Variants in KCNC2 observed in about 807,000 individuals in gnomAD.
The protein encoded by KCNC2 is voltage-gated potassium channel KCNC2.
A neutral mutation model predicts 44.5 loss-of-function variants in KCNC2; 21 were observed. That is an observed-to-expected ratio of 0.47 (90% CI 0.33 to 0.68). KCNC2 has a LOEUF of 0.68. Among genes scored for constraint, KCNC2 ranks in the 30% least tolerant of loss-of-function variants. KCNC2 has a pLI of 0.01. For synonymous variants in KCNC2, 391 were observed against 339.1 expected (o/e 1.15, Z -1.68); for missense variants, 589 against 826.2 (o/e 0.71, Z 3.52).
At position 75,042,503 on chromosome 12, in the gene KCNC2, G is replaced by C. The variant is rs116809020; in HGVS notation, c.*602C>G. On this transcript the variant is annotated 3_prime_UTR_variant, in exon 5 of 5. Transcript: ENST00000549446. ...AATAATAAGAAAAAAATGTCAAGGAGAAAAGTGCCCTCCCTGCCCCACAAT... is the reference window on the plus strand; with the variant it reads ...AATAATAAGAAAAAAATGTCAAGGACAAAAGTGCCCTCCCTGCCCCACAAT... The C allele has an allele frequency of 7.0e-7, 1 of 1,433,316 alleles. No individual in the cohort carries two copies. The highest frequency in any genetic ancestry group is 1.4e-5 in the African/African-American group (1 of 68,966). The allele number at this position is 1,433,316 out of a possible 1,614,324, so 88.8% of individuals were successfully genotyped here.
At chr12:75,127,834 A>T (rs1888545623) in intron 2 of KCNC2, among the ~76,000 whole-genome samples, 1 of 152,170 alleles carries the variant, frequency 6.6e-6, no homozygotes, top group Non-Finnish European at 1.5e-5. Context: ...CATAGCAATG[A>T]AAATATCTAG....
rs1879828917 is a variant in KCNC2 at position 75,040,974 on chromosome 12, G to C, written c.*2131C>G. On this transcript the variant is annotated 3_prime_UTR_variant, in exon 5 of 5. Transcript: ENST00000549446. ...TATTTACAGTTGTTTCATGGACACT[G>C]GCCAGTCTACAAGCAGAGCACTCTC... 2 of 695,204 alleles carry C rather than the reference G, an allele frequency of 2.9e-6. No homozygotes were observed. The highest frequency in any genetic ancestry group is 2.5e-6 in the Non-Finnish European group (1 of 397,464). The allele number at this position is 695,204 out of a possible 1,614,324, so 43.1% of individuals were successfully genotyped here. A position where few individuals can be genotyped will look rare whatever the true frequency, so the allele number is the denominator to read the frequency against.
At chr12:75,080,396 G>A (rs1283558253) in intron 2 of KCNC2, among the ~76,000 whole-genome samples, 1 of 151,178 alleles carries the variant, frequency 6.6e-6, no homozygotes, top group Non-Finnish European at 1.5e-5. Context: ...CTTAGAAAAA[G>A]TATAAAAAGA....
chr12:75,203,856 A>G (rs2031485240), intron 2 of KCNC2, among the ~76,000 whole-genome samples: 1 of 151,894 alleles, frequency 6.6e-6, no homozygotes, highest in Non-Finnish European at 1.5e-5. Context: ...TCCTTATGTG[A>G]TTTTTAAAAA....
At chr12:75,152,662 T>C (rs1221235544) in intron 2 of KCNC2, among the ~76,000 whole-genome samples, 1 of 151,922 alleles carries the variant, frequency 6.6e-6, no homozygotes, top group Non-Finnish European at 1.5e-5. Flanking sequence ...CCAGTAAAAA[T>C]GACTAATCGT....
At position 75,042,745 on chromosome 12, in the gene KCNC2, T is replaced by C; in HGVS notation, c.*360A>G. Reference sequence around the variant, plus strand: ...CAGAATGGTTTACAGTCACAAGAAATAAAGTTCCAATGAAGTGGTTGGCAT... The same window carrying C: ...CAGAATGGTTTACAGTCACAAGAAACAAAGTTCCAATGAAGTGGTTGGCAT... On this transcript the variant is annotated 3_prime_UTR_variant, in exon 5 of 5. Coordinates refer to ENST00000549446, the MANE Select transcript of KCNC2 (RefSeq NM_139137.4). 1 of 1,148,918 alleles carries C rather than the reference T, an allele frequency of 8.7e-7. No homozygotes were observed. Among genetic ancestry groups the C allele is most frequent in the Non-Finnish European group, 1.1e-6 (1 of 933,982 alleles). The allele number at this position is 1,148,918 out of a possible 1,614,324, so 71.2% of individuals were successfully genotyped here.
intron 2 of KCNC2, among the ~76,000 whole-genome samples, chr12:75,090,267 T>G (rs993490474): frequency 6.6e-6 from 1 of 151,800 alleles, no homozygotes; most frequent in African/African-American, 2.4e-5. Context: ...TATTATCTTC[T>G]TAGCCACCTA....
At chr12:75,163,704 C>T (rs1593003625) in intron 2 of KCNC2, among the ~76,000 whole-genome samples, 1 of 151,788 alleles carries the variant, frequency 6.6e-6, no homozygotes, top group East Asian at 1.9e-4. Flanking sequence ...TTGAAAATCT[C>T]AACACTACAC....
chr12:75,120,709 G>A (rs1163066566), intron 2 of KCNC2, among the ~76,000 whole-genome samples: 5 of 152,180 alleles, frequency 3.3e-5, no homozygotes, highest in Non-Finnish European at 5.9e-5. Flanking sequence ...CCCAGGAAAG[G>A]CAGTTGCTGG....
At position 75,053,862 on chromosome 12, in the gene KCNC2, A is replaced by G. The variant is rs532129108; in HGVS notation, c.688-2545T>C. ...AAATAAAATAATATTTGAAAAAGAA[A>G]ACAACTTCGGCATTCTGAGAAAAAG... On this transcript the variant is annotated intron_variant, in intron 2 of 4. Transcript: ENST00000549446. Among the ~76,000 whole-genome samples, 12 of 149,954 alleles carry G rather than the reference A, an allele frequency of 8.0e-5. 1 individual carries two copies. The South Asian group carries it at 2.5e-3, about 31-fold the overall frequency.
At chr12:75,046,327 G>C (rs1261661103) in intron 4 of KCNC2, among the ~76,000 whole-genome samples, 1 of 151,608 alleles carries the variant, frequency 6.6e-6, no homozygotes, top group Non-Finnish European at 1.5e-5. Context: ...CAATTTTATA[G>C]TAAAACTTTG....
At chr12:75,087,004 T>C (rs1481137721) in intron 2 of KCNC2, among the ~76,000 whole-genome samples, 1 of 152,096 alleles carries the variant, frequency 6.6e-6, no homozygotes. Flanking sequence ...TACCAAGTTC[T>C]CTGTTAGGTA....
intron 2 of KCNC2, among the ~76,000 whole-genome samples, chr12:75,148,327 G>T (rs1262114184): frequency 6.6e-6 from 1 of 152,018 alleles, no homozygotes; most frequent in Non-Finnish European, 1.5e-5. Context: ...GCTCTTCCAT[G>T]GCTGACATGG....
rs199855650 is a variant in KCNC2 at position 75,040,637 on chromosome 12, T to C, written c.*2468A>G. On this transcript the variant is annotated 3_prime_UTR_variant, in exon 5 of 5. Coordinates refer to ENST00000549446, the MANE Select transcript of KCNC2 (RefSeq NM_139137.4). ...AAACAAATATGTGACTAAACATAGGTCATTTTTGATAAATGAATACTAACA... is the reference window on the plus strand; with the variant it reads ...AAACAAATATGTGACTAAACATAGGCCATTTTTGATAAATGAATACTAACA... 10 of 156,642 alleles carry C rather than the reference T, an allele frequency of 6.4e-5. No homozygotes were observed. The highest frequency in any genetic ancestry group is 1.0e-4 in the Non-Finnish European group (7 of 70,228). 9.7% of individuals were successfully genotyped at this position (156,642 alleles called of 1,614,324 possible). A position where few individuals can be genotyped will look rare whatever the true frequency, so the allele number is the denominator to read the frequency against.
At position 75,207,007 on chromosome 12, in the gene KCNC2, T is replaced by C. The variant is rs558219767; in HGVS notation, c.687+290A>G. On this transcript the variant is annotated intron_variant, in intron 2 of 4. Transcript: ENST00000549446. The surrounding 1 kb of genome is among the most constrained non-coding windows in gnomAD (Gnocchi z 4.1). ...TCCTCATACCCGTTTCAGGACAGGG[T>C]CCAAAGACGTGCACAGAAAAGTCGA... 1.3e-5 allele frequency among the ~76,000 whole-genome samples: 2 copies of C among 152,120 alleles called. No individual in the cohort carries two copies. Among genetic ancestry groups the C allele is most frequent in the South Asian group, 4.2e-4 (2 of 4,808 alleles).
rs577347409 is a variant in KCNC2, at chr12:75,150,872, T to C, written c.687+56425A>G. On this transcript the variant is annotated intron_variant, in intron 2 of 4. Coordinates refer to ENST00000549446, the MANE Select transcript of KCNC2 (RefSeq NM_139137.4). ...GAATGTTATTATAAGAACTCAGCTA[T>C]GTAAAACGTAACCTTCAAAACTCTA... Among the ~76,000 whole-genome samples, 7 of 152,070 alleles carry C rather than the reference T, an allele frequency of 4.6e-5. No individual in the cohort carries two copies. In the South Asian group the frequency reaches 8.3e-4, roughly 18 times the overall value.
chr12:75,185,477 A>G (rs1168235737), intron 2 of KCNC2, among the ~76,000 whole-genome samples: 4 of 151,996 alleles, frequency 2.6e-5, no homozygotes, highest in African/African-American at 9.7e-5. Flanking sequence ...TCCTTATTAA[A>G]TATTGAGTTT....
intron 2 of KCNC2, among the ~76,000 whole-genome samples, chr12:75,162,753 T>G (rs1290901463): frequency 6.6e-6 from 1 of 151,760 alleles, no homozygotes; most frequent in East Asian, 1.9e-4. Flanking sequence ...CCCTTTCTTG[T>G]GGTTGTATTC....
intron 2 of KCNC2, among the ~76,000 whole-genome samples, chr12:75,106,364 G>T (rs1167349146): frequency 1.3e-5 from 2 of 152,130 alleles, no homozygotes; most frequent in Non-Finnish European, 2.9e-5. Flanking sequence ...AGAGAAATAA[G>T]GTGGTGGCTA....
Sources: allele counts gnomAD v4.1 joint callset (sites outside exome capture counted in the v4.1 genomes callset), GRCh38; gene constraint gnomAD v4.1.1; non-coding constraint Gnocchi (gnomAD v3.1); transcripts MANE v1.5; gene names NCBI Gene and HGNC (gene_info 2026-07-23, HGNC 2026-07-21).